The following TEX26 variants were observed in gnomAD, a reference collection of about 807,000 sequenced individuals.
TEX26 encodes testis expressed 26, also known as testis-expressed protein 26.
Under a neutral mutation model 35.3 loss-of-function variants are expected in TEX26, and 34 were observed. That is an observed-to-expected ratio of 0.96 (90% confidence interval 0.73 to 1.28). The LOEUF is 1.28. TEX26 is among the 50% of genes most tolerant of loss of function. The probability of loss-of-function intolerance (pLI) is 0.00; values close to 1 mark genes in which losing one functional copy is unlikely to be tolerated. For missense variants in TEX26, 371 were observed against 330.1 expected (o/e 1.12, Z -0.96); for synonymous variants, 136 against 111.8 (o/e 1.22, Z -1.36).
chr13:30,966,393 G>T lies in TEX26; in HGVS notation c.641G>T (p.Gly214Val), dbSNP rs1426554366. The T allele has an allele frequency of 1.2e-6, 2 of 1,610,178 alleles. No individual in the cohort carries two copies. The highest frequency in any genetic ancestry group is 1.3e-5 in the African/African-American group (1 of 74,376). The change falls in exon 5 of 7, where the codon GGT becomes GTT. Residue 214 changes from glycine to valine, a missense_variant. By Grantham distance (109) the Gly-to-Val change is moderately radical. Coordinates refer to ENST00000380473, the MANE Select transcript of TEX26 (RefSeq NM_152325.3). ...CYSSLPVASQ[G>V]LVPSVLHSYL... ...TCAAGCTTGCCTGTTGCTTCTCAGGGTCTAGGTGAGTACAGCTGCAGTTTC... is the reference window on the plus strand; with the variant it reads ...TCAAGCTTGCCTGTTGCTTCTCAGGTTCTAGGTGAGTACAGCTGCAGTTTC...
At position 30,957,680 on chromosome 13, in the gene TEX26, G is replaced by T. The variant is rs116313963; in HGVS notation, c.469+651G>T. On this transcript the variant is annotated intron_variant, in intron 4 of 6. Transcript: ENST00000380473. ...CTTGACACAGGGCTGTGGCAGTGCG[G>T]ATGGAGGCAGGATCTGCAAGGTGGT... 7.2e-3 allele frequency among the ~76,000 whole-genome samples: 1,098 copies of T among 152,328 alleles called. 15 individuals are homozygous for T. The highest frequency in any genetic ancestry group is 0.023 in the African/African-American group (975 of 41,580).
Position 30,975,070 on chromosome 13 carries a change from A to C in TEX26, c.*163A>C. ...CTTTTGCTCCGCTTTATTTTTAAACAATAAAATTAAGGCTACAAAATTTTC... is the reference window on the plus strand; with the variant it reads ...CTTTTGCTCCGCTTTATTTTTAAACCATAAAATTAAGGCTACAAAATTTTC... On this transcript the variant is annotated 3_prime_UTR_variant, in exon 7 of 7. Coordinates refer to ENST00000380473, the MANE Select transcript of TEX26 (RefSeq NM_152325.3). 1 of 503,480 alleles carries C rather than the reference A, an allele frequency of 2.0e-6. No homozygotes were observed. Among genetic ancestry groups the C allele is most frequent in the South Asian group, 3.7e-5 (1 of 27,220 alleles). 31.2% of individuals were successfully genotyped at this position (503,480 alleles called of 1,614,324 possible).
chr13:30,934,569 A>C (rs943528932), intron 1 of TEX26, among the ~76,000 whole-genome samples: 1 of 152,166 alleles, frequency 6.6e-6, no homozygotes, highest in African/African-American at 2.4e-5. Flanking sequence ...TACAGGCCCT[A>C]GGGGAGAAGT....
chr13:30,952,607 G>A lies in TEX26; in HGVS notation c.147-53G>A, dbSNP rs553808345. The A allele has an allele frequency of 2.8e-6, 4 of 1,435,594 alleles. No homozygotes were observed. In the South Asian group the frequency reaches 5.6e-5, roughly 20 times the overall value. 88.9% of individuals were successfully genotyped at this position (1,435,594 alleles called of 1,614,324 possible). A position where few individuals can be genotyped will look rare whatever the true frequency, so the allele number is the denominator to read the frequency against. ...AAAATGATTTGACATGTGTACTTTT[G>A]TGAGATTTGGTATTTAACCTCTAAC... On this transcript the variant is annotated intron_variant, in intron 2 of 6. Coordinates refer to ENST00000380473, the MANE Select transcript of TEX26 (RefSeq NM_152325.3).
intron 2 of TEX26, among the ~76,000 whole-genome samples, chr13:30,950,291 A>C (rs1325663536): frequency 2.0e-5 from 3 of 152,296 alleles, no homozygotes; most frequent in Non-Finnish European, 4.4e-5. Context: ...CTGTTGTCCC[A>C]GCTACTCGGG....
chr13:30,964,072 C>T (rs1449975841), intron 4 of TEX26, among the ~76,000 whole-genome samples: 1 of 152,206 alleles, frequency 6.6e-6, no homozygotes. Flanking sequence ...TCTGTACTGA[C>T]CCGTTGTCAA....
chr13:30,956,205 C>T (rs1469159385), intron 3 of TEX26, among the ~76,000 whole-genome samples: 5 of 134,492 alleles, frequency 3.7e-5, no homozygotes, highest in Admixed American at 7.6e-5. Flanking sequence ...GTGATGTTCC[C>T]CTTCCTGTGT....
chr13:30,934,484 A>G lies in TEX26; in HGVS notation c.61+1708A>G, dbSNP rs549578423. Among the ~76,000 whole-genome samples, 350 of 152,346 alleles carry G rather than the reference A, an allele frequency of 2.3e-3. 5 individuals carry two copies. The highest frequency in any genetic ancestry group is 8.2e-3 in the African/African-American group (340 of 41,580). Reference sequence around the variant, plus strand: ...TTCCCACAGACTGGTGGATTCAAACAACAAAAATGTATTTGCTCACAGCTC... The same window carrying G: ...TTCCCACAGACTGGTGGATTCAAACGACAAAAATGTATTTGCTCACAGCTC... On this transcript the variant is annotated intron_variant, in intron 1 of 6. Transcript: ENST00000380473.
intron 1 of TEX26, chr13:30,936,763 A>T: frequency 1.0e-6 from 1 of 985,454 alleles, no homozygotes; most frequent in Non-Finnish European, 1.2e-6. Context: ...GAGAGAAGAA[A>T]GAATTAGGAA....
At chr13:30,965,631 T>A (rs1178490373) in intron 4 of TEX26, among the ~76,000 whole-genome samples, 1 of 152,230 alleles carries the variant, frequency 6.6e-6, no homozygotes, top group Admixed American at 6.5e-5. Flanking sequence ...AGATATTGAA[T>A]GAATATGTTT....
intron 1 of TEX26, among the ~76,000 whole-genome samples, chr13:30,934,211 G>C (rs763623228): frequency 6.6e-6 from 1 of 152,180 alleles, no homozygotes; most frequent in African/African-American, 2.4e-5. Context: ...TGCCTCCAAA[G>C]CTCTTTTTCC....
chr13:30,945,320 C>T (rs1390620965), intron 2 of TEX26, among the ~76,000 whole-genome samples: 1 of 151,338 alleles, frequency 6.6e-6, no homozygotes, highest in African/African-American at 2.4e-5. Flanking sequence ...ACCCTTTTTC[C>T]TTGGGTTTAT....
At chr13:30,934,089 C>T (rs1448428381) in intron 1 of TEX26, among the ~76,000 whole-genome samples, 2 of 152,198 alleles carry the variant, frequency 1.3e-5, no homozygotes, top group East Asian at 3.8e-4. Context: ...TCCTTGTCCT[C>T]CTCAAACCTT....
Position 30,952,812 on chromosome 13 carries a change from C to A in TEX26, c.299C>A (p.Ser100Tyr), listed in dbSNP as rs1953980482. The A allele has an allele frequency of 9.9e-6, 16 of 1,612,660 alleles. No individual in the cohort carries two copies. Among genetic ancestry groups the A allele is most frequent in the Non-Finnish European group, 1.4e-5 (16 of 1,179,386 alleles). The change falls in exon 3 of 7, where the codon TCT (serine) becomes TAT (tyrosine). Residue 100 changes from serine to tyrosine, a missense_variant. Ser to Tyr is a moderately radical substitution (Grantham distance 144). Transcript: ENST00000380473. ...ETSRGIKSHK[S>Y]HLNEDIFLWT... ...TCAAGAGGAATCAAGAGCCACAAATCTCATCTCAATGAAGTAAGATAATAT... is the reference window on the plus strand; with the variant it reads ...TCAAGAGGAATCAAGAGCCACAAATATCATCTCAATGAAGTAAGATAATAT...
chr13:30,938,619 AACATAT>A (rs1162755798), intron 1 of TEX26, among the ~76,000 whole-genome samples: 2 of 152,200 alleles, frequency 1.3e-5, no homozygotes, highest in Non-Finnish European at 2.9e-5. Context: ...AAATGCTATC[AACATAT>A]ACATTTGGGG....
chr13:30,940,271 C>T (rs1953429869), intron 2 of TEX26, among the ~76,000 whole-genome samples: 1 of 149,116 alleles, frequency 6.7e-6, no homozygotes, highest in South Asian at 2.2e-4. Flanking sequence ...TCAGCTTCTC[C>T]TCCAATTCAA....
intron 6 of TEX26, 167 bp from the exon 7 acceptor site, chr13:30,974,679 T>A (rs1484173328): frequency 1.8e-6 from 1 of 549,714 alleles, no homozygotes; most frequent in Admixed American, 4.2e-5. Context: ...ATTACACAAC[T>A]GTGCCTGTTT....
At chr13:30,941,075 A>G (rs1953487096) in intron 2 of TEX26, among the ~76,000 whole-genome samples, 1 of 152,202 alleles carries the variant, frequency 6.6e-6, no homozygotes, top group Non-Finnish European at 1.5e-5. Context: ...TATCTCTGCT[A>G]CCTTGCGCAA....
intron 4 of TEX26, among the ~76,000 whole-genome samples, chr13:30,957,407 G>A (rs1954179448): frequency 6.6e-6 from 1 of 152,154 alleles, no homozygotes; most frequent in South Asian, 2.1e-4. Context: ...AAGGGCAAAG[G>A]GAGGGTTGAG....
Sources: allele counts gnomAD v4.1 joint callset (sites outside exome capture counted in the v4.1 genomes callset), GRCh38; gene constraint gnomAD v4.1.1; transcripts MANE v1.5; gene names NCBI Gene and HGNC (gene_info 2026-07-23, HGNC 2026-07-21).